Variants in CHST11 observed in about 807,000 individuals in gnomAD.
CHST11 encodes C4S-1.
A neutral mutation model predicts 30.4 loss-of-function variants in CHST11; 9 were observed. The ratio of observed to expected loss-of-function variants is 0.30; its 90% CI spans 0.18 to 0.52. The LOEUF (loss-of-function observed/expected upper bound fraction) is 0.52. Among genes scored for constraint, CHST11 ranks in the 20% least tolerant of loss-of-function variants. The pLI is 0.97. For synonymous variants in CHST11, 152 were observed against 187.8 expected, an observed-to-expected ratio of 0.81 and a Z score of 1.56; for missense variants, 348 against 460.6, an observed-to-expected ratio of 0.76 and a Z score of 2.24.
At chr12:104,683,537 A>G (rs1470975090) in intron 2 of CHST11, among the ~76,000 whole-genome samples, 1 of 152,136 alleles carries the variant, frequency 6.6e-6, no homozygotes, top group Non-Finnish European at 1.5e-5. Flanking sequence ...GGGTTGAAAT[A>G]TGGTATTCAG....
intron 1 of CHST11, among the ~76,000 whole-genome samples, chr12:104,502,578 C>T (rs938114976): frequency 6.6e-6 from 1 of 152,060 alleles, no homozygotes; most frequent in Non-Finnish European, 1.5e-5. Context: ...ACTTTTAGCC[C>T]TACTCCCCGC....
chr12:104,494,852 C>T (rs528112363), intron 1 of CHST11, among the ~76,000 whole-genome samples: 59 of 152,242 alleles, frequency 3.9e-4, no homozygotes, highest in African/African-American at 1.3e-3. Flanking sequence ...CCATTTTAAT[C>T]CTTTTTAAGA....
At chr12:104,494,827 A>C (rs549723254) in intron 1 of CHST11, among the ~76,000 whole-genome samples, 1 of 152,236 alleles carries the variant, frequency 6.6e-6, no homozygotes, top group Non-Finnish European at 1.5e-5. Context: ...TTAAAAAAGC[A>C]CAATGTAAAC....
chr12:104,748,928 C>T (rs2040409427), intron 2 of CHST11, among the ~76,000 whole-genome samples: 1 of 151,990 alleles, frequency 6.6e-6, no homozygotes, highest in Non-Finnish European at 1.5e-5. Context: ...GAACCACTGG[C>T]ATGAAGTATG....
chr12:104,664,406 A>G, intron 2 of CHST11, among the ~76,000 whole-genome samples: 1 of 152,200 alleles, frequency 6.6e-6, no homozygotes, highest in East Asian at 1.9e-4. Flanking sequence ...TAAGGTTTAG[A>G]CACATTTTCT....
chr12:104,618,780 G>A, intron 2 of CHST11, among the ~76,000 whole-genome samples: 1 of 152,138 alleles, frequency 6.6e-6, no homozygotes, highest in Non-Finnish European at 1.5e-5. Context: ...TTGTTGGTGT[G>A]CAGCATCATC....
intron 2 of CHST11, among the ~76,000 whole-genome samples, chr12:104,748,610 G>T (rs559607615): frequency 6.6e-6 from 1 of 152,032 alleles, no homozygotes; most frequent in Non-Finnish European, 1.5e-5. Flanking sequence ...AGAGATGGCC[G>T]TGTGAGAAGG....
rs554133891 is a variant in CHST11 at position 104,602,776 on chromosome 12, A to G, written c.204+785A>G. Among the ~76,000 whole-genome samples the G allele has an allele frequency of 6.0e-4, 91 of 152,302 alleles. 2 individuals are homozygous for G. The South Asian group carries it at 0.018, about 31-fold the overall frequency. On this transcript the variant is annotated intron_variant, in intron 2 of 2. Coordinates refer to ENST00000303694, the MANE Select transcript of CHST11 (RefSeq NM_018413.6). The stretch of plus-strand genomic sequence containing the variant: ...CTTCGATAGCCGTAGAGAAAGAGGG[A>G]AAAATGTACTGCTTTGGCTACAGTC...
chr12:104,668,327 A>G (rs928818249), intron 2 of CHST11, among the ~76,000 whole-genome samples: 2 of 152,188 alleles, frequency 1.3e-5, no homozygotes, highest in African/African-American at 4.8e-5. Flanking sequence ...AACCCTGGGT[A>G]GTAGATTATG....
chr12:104,660,595 C>T (rs1162614806), intron 2 of CHST11, among the ~76,000 whole-genome samples: 1 of 152,194 alleles, frequency 6.6e-6, no homozygotes, highest in African/African-American at 2.4e-5. Context: ...AGGAAATTTC[C>T]ATCCCGGCTG....
intron 1 of CHST11, among the ~76,000 whole-genome samples, chr12:104,524,237 G>GA (rs1367827353): frequency 1.3e-5 from 2 of 152,110 alleles, no homozygotes; most frequent in African/African-American, 4.8e-5. Flanking sequence ...CAGCCTTCCA[G>GA]AAAAATTATT....
At chr12:104,517,847 A>G (rs921294727) in intron 1 of CHST11, among the ~76,000 whole-genome samples, 3 of 152,242 alleles carry the variant, frequency 2.0e-5, no homozygotes, top group African/African-American at 4.8e-5. Flanking sequence ...ATGAAGCCAG[A>G]CATTTTATAA....
chr12:104,546,110 T>G (rs568309979), intron 1 of CHST11, among the ~76,000 whole-genome samples: 1 of 152,250 alleles, frequency 6.6e-6, no homozygotes, highest in South Asian at 2.1e-4. Context: ...GAGCCAACAT[T>G]GTTGAATCAT....
intron 2 of CHST11, among the ~76,000 whole-genome samples, chr12:104,698,838 A>C (rs770027320): frequency 5.3e-5 from 8 of 152,228 alleles, no homozygotes; most frequent in Non-Finnish European, 1.2e-4. Context: ...TTACTAAAGC[A>C]AGCACTGTTT....
chr12:104,751,150 T>A (rs2136145654), intron 2 of CHST11, among the ~76,000 whole-genome samples: 1 of 152,352 alleles, frequency 6.6e-6, no homozygotes, highest in Non-Finnish European at 1.5e-5. Context: ...TCATTTCCAT[T>A]TTTCCTGCCT....
chr12:104,516,991 C>A (rs1390890795), intron 1 of CHST11, among the ~76,000 whole-genome samples: 1 of 152,106 alleles, frequency 6.6e-6, no homozygotes, highest in Non-Finnish European at 1.5e-5. Flanking sequence ...GTTTACTGAG[C>A]ACTTCTTATG....
At chr12:104,609,670 A>G (rs1293632610) in intron 2 of CHST11, among the ~76,000 whole-genome samples, 1 of 152,202 alleles carries the variant, frequency 6.6e-6, no homozygotes, top group East Asian at 1.9e-4. Flanking sequence ...GGTTATCTGT[A>G]AAATCAGAGC....
intron 2 of CHST11, among the ~76,000 whole-genome samples, chr12:104,688,406 C>G (rs1159769921): frequency 6.6e-6 from 1 of 152,088 alleles, no homozygotes; most frequent in Non-Finnish European, 1.5e-5. Context: ...ACCACTAGTC[C>G]CTGAGCCAGT....
chr12:104,532,004 A>G lies in CHST11; in HGVS notation c.119-69902A>G, dbSNP rs577018143. Among the ~76,000 whole-genome samples the G allele has an allele frequency of 2.0e-5, 3 of 152,336 alleles. No individual in the cohort carries two copies. In the South Asian group the frequency reaches 6.2e-4, roughly 32 times the overall value. On this transcript the variant is annotated intron_variant, in intron 1 of 2. Coordinates refer to ENST00000303694, the MANE Select transcript of CHST11 (RefSeq NM_018413.6). ...GCCCAGTGGCTCCTGCTAAAAAGCA[A>G]TGAAACCAGGATTGGGCTCTGGGCA...
Sources: allele counts gnomAD v4.1 joint callset (sites outside exome capture counted in the v4.1 genomes callset), GRCh38; gene constraint gnomAD v4.1.1; transcripts MANE v1.5; gene names NCBI Gene and HGNC (gene_info 2026-07-23, HGNC 2026-07-21).